Variants in HAT1 observed in about 807,000 individuals in gnomAD.
HAT1 encodes the protein histone acetyltransferase type B catalytic subunit.
Under a neutral mutation model 56.6 loss-of-function variants are expected in HAT1, and 20 were observed. The ratio of observed to expected loss-of-function variants is 0.35; its 90% CI spans 0.25 to 0.51. HAT1 has a LOEUF of 0.51. Among genes scored for constraint, HAT1 ranks in the 20% least tolerant of loss-of-function variants. The pLI, the probability that HAT1 is intolerant of heterozygous loss-of-function variation, is 0.95. For synonymous variants in HAT1, 146 were observed against 165.5 expected (o/e 0.88, Z 0.91); for missense variants, 408 against 504.3 (o/e 0.81, Z 1.83).
Position 171,983,049 on chromosome 2 carries a change from C to A in HAT1, c.1093-136C>A, listed in dbSNP as rs534751489. 1.7e-3 allele frequency: 769 copies of A among 463,688 alleles called. 2 individuals are homozygous for A. The highest frequency in any genetic ancestry group is 4.7e-3 in the East Asian group (130 of 27,448). The allele number at this position is 463,688 out of a possible 1,614,324, so 28.7% of individuals were successfully genotyped here. On this transcript the variant is annotated intron_variant, in intron 10 of 10. Transcript: ENST00000264108. ...AGCTTCCTTAAAAAACAAAACAAAA[C>A]AAAAAAAAAACATTGTGGGACAAGT... is the stretch of plus-strand genomic sequence containing the variant.
rs1436754456 is a variant in HAT1 at position 171,952,942 on chromosome 2, T to C, written c.250T>C (p.Ser84Pro). The change falls in exon 4 of 11, where the codon TCA becomes CCA. Residue 84 changes from serine (S) to proline (P), a missense_variant. By Grantham distance (74) the Ser-to-Pro change is moderately conservative (BLOSUM62 -1). Coordinates refer to ENST00000264108, the MANE Select transcript of HAT1 (RefSeq NM_003642.4). ...ILLYYIAGSL[S>P]TMFRVEYASK... The stretch of plus-strand genomic sequence containing the variant: ...GTTATACTATATTGCTGGTAGCCTG[T>C]CAACAATGTTCCGTGTTGAATATGC... 6.3e-7 allele frequency: 1 copy of C among 1,592,384 alleles called. No individual in the cohort carries two copies.
At chr2:171,959,180 TTAGA>T (rs1001685466) in intron 4 of HAT1, among the ~76,000 whole-genome samples, 5 of 152,260 alleles carry the variant, frequency 3.3e-5, no homozygotes, top group African/African-American at 1.2e-4. Context: ...AGATGTAATC[TTAGA>T]TAAACTAGCA....
chr2:171,926,585 G>A (rs1436581247), intron 2 of HAT1, among the ~76,000 whole-genome samples: 2 of 152,090 alleles, frequency 1.3e-5, no homozygotes, highest in African/African-American at 4.8e-5. Flanking sequence ...GAGCCACCAC[G>A]CCTGGCTTAT....
chr2:171,965,037 GAAGGGGTAT>G, intron 4 of HAT1: 1 of 241,888 alleles, frequency 4.1e-6, no homozygotes, highest in East Asian at 9.1e-5. Flanking sequence ...AGACTGTCAT[GAAGGGGTAT>G]AGTCAGCTGT....
At chr2:171,956,082 A>G (rs903605346) in intron 4 of HAT1, among the ~76,000 whole-genome samples, 4 of 150,166 alleles carry the variant, frequency 2.7e-5, no homozygotes, top group African/African-American at 9.8e-5. Flanking sequence ...AGAATGAGGC[A>G]GGAGGATCAT....
chr2:171,935,515 C>CAA (rs56220004), intron 2 of HAT1, among the ~76,000 whole-genome samples: 8,782 of 55,336 alleles, frequency 0.16, 740 homozygotes, highest in African/African-American at 0.27. Context: ...AACTCCATCT[C>CAA]AAAAAAAAAA....
At chr2:171,944,947 A>G (rs548610343) in intron 2 of HAT1, among the ~76,000 whole-genome samples, 89 of 151,904 alleles carry the variant, frequency 5.9e-4, no homozygotes, top group Non-Finnish European at 1.1e-3. Context: ...TCTCAGCTCA[A>G]TGCAACCTCC....
chr2:171,946,919 G>T, intron 3 of HAT1, 136 bp downstream of exon 3: 2 of 550,344 alleles, frequency 3.6e-6, no homozygotes, highest in South Asian at 2.7e-5. Context: ...ATGTTATAAT[G>T]GTGTTTTTTT....
At chr2:171,959,838 A>G (rs1469610429) in intron 4 of HAT1, among the ~76,000 whole-genome samples, 1 of 152,210 alleles carries the variant, frequency 6.6e-6, no homozygotes, top group Non-Finnish European at 1.5e-5. Context: ...ATGAAGATAC[A>G]TTTTGCTCAT....
intron 10 of HAT1, chr2:171,980,170 T>C (rs890930232): frequency 6.6e-6 from 1 of 152,168 alleles, no homozygotes; most frequent in African/African-American, 2.4e-5. Flanking sequence ...TAGCTTTTCT[T>C]TCATTTGTAT....
Position 171,976,192 on chromosome 2 carries a change from G to A in HAT1, c.859G>A (p.Asp287Asn). 1 of 1,595,294 alleles carries A rather than the reference G, an allele frequency of 6.3e-7. No homozygotes were observed. The highest frequency in any genetic ancestry group is 8.5e-7 in the Non-Finnish European group (1 of 1,170,390). Residue 287 changes from aspartate (D) to asparagine (N), a missense_variant, in exon 9 of 11, where the codon GAC becomes AAC. Transcript: ENST00000264108. ...DPSKSYVKLR[D>N]FVLVKLCQDL... is the part of the protein sequence containing the mutation. ...ATCCAAAAGCTATGTGAAATTACGA[G>A]ACTTTGTGCTTGTGAAGCTTTGTCA...
intron 2 of HAT1, among the ~76,000 whole-genome samples, chr2:171,926,152 C>G (rs1686586158): frequency 6.6e-6 from 1 of 151,848 alleles, no homozygotes; most frequent in South Asian, 2.1e-4. Context: ...AGGTCTCACT[C>G]TATCACCCAG....
chr2:171,965,742 C>G, intron 5 of HAT1, 45 bp from the exon 6 acceptor site: 3 of 1,591,800 alleles, frequency 1.9e-6, no homozygotes, highest in Non-Finnish European at 2.6e-6. Flanking sequence ...CTTTCACTTA[C>G]CTTTGTGATG....
intron 10 of HAT1, chr2:171,979,828 A>G (rs1039825239): frequency 3.3e-5 from 5 of 149,814 alleles, no homozygotes; most frequent in Admixed American, 6.8e-5. Context: ...AAAAGAAAAG[A>G]AAAAAAACCC....
At chr2:171,979,385 A>G in intron 10 of HAT1, 22 bp downstream of exon 10, 2 of 1,082,400 alleles carry the variant, frequency 1.8e-6, no homozygotes, top group South Asian at 2.5e-5. Context: ...AAGAATCTTA[A>G]ACACTGTATT....
chr2:171,954,753 C>T (rs1195069729), intron 4 of HAT1, among the ~76,000 whole-genome samples: 1 of 152,194 alleles, frequency 6.6e-6, no homozygotes, highest in Non-Finnish European at 1.5e-5. Flanking sequence ...AAAAGATATC[C>T]ATGTCCTAAT....
At chr2:171,940,393 AT>A (rs1224994352) in intron 2 of HAT1, among the ~76,000 whole-genome samples, 2 of 152,114 alleles carry the variant, frequency 1.3e-5, no homozygotes, top group African/African-American at 4.8e-5. Context: ...ATCCCCTGCT[AT>A]TTCATTAGTT....
intron 2 of HAT1, among the ~76,000 whole-genome samples, chr2:171,935,305 A>T (rs1466744300): frequency 2.0e-5 from 3 of 150,372 alleles, no homozygotes; most frequent in African/African-American, 7.3e-5. Context: ...ACCCGAGGTC[A>T]GGAGTTCGAG....
At chr2:171,980,536 G>C (rs375162729) in intron 10 of HAT1, 4 of 152,062 alleles carry the variant, frequency 2.6e-5, no homozygotes, top group African/African-American at 9.6e-5. Context: ...GATGGATATT[G>C]TTTATGCCAC....
Sources: gnomAD v4.1 joint callset for allele counts (sites outside exome capture counted in the v4.1 genomes callset) on GRCh38, gnomAD v4.1.1 for gene constraint, MANE v1.5 for transcripts, NCBI Gene and HGNC (gene_info 2026-07-23, HGNC 2026-07-21) for gene names.